The following GRB14 variants were observed in gnomAD, a reference collection of about 807,000 sequenced individuals.
The protein encoded by GRB14 is growth factor receptor bound protein 14.
In GRB14, 38 loss-of-function variants were observed where a neutral mutation model predicts 69.1. The observed-to-expected ratio is 0.55, with a 90% CI of 0.42 to 0.72. The LOEUF (loss-of-function observed/expected upper bound fraction) is 0.72. Among genes scored for constraint, GRB14 ranks in the 30% least tolerant of loss-of-function variants. The pLI is 0.00. For missense variants in GRB14, 666 were observed against 666.1 expected, an observed-to-expected ratio of 1.00 and a Z score of 0.00; for synonymous variants, 247 against 241.3, an observed-to-expected ratio of 1.02 and a Z score of -0.22.
At chr2:164,556,879 A>C (rs1296609932) in intron 2 of GRB14, among the ~76,000 whole-genome samples, 1 of 152,162 alleles carries the variant, frequency 6.6e-6, no homozygotes, top group East Asian at 1.9e-4. Flanking sequence ...AGTCAAAACG[A>C]TTCCTTCAGT....
At chr2:164,562,085 T>C (rs1688844069) in intron 2 of GRB14, among the ~76,000 whole-genome samples, 1 of 152,236 alleles carries the variant, frequency 6.6e-6, no homozygotes, top group South Asian at 2.1e-4. Context: ...GGTAATTAGA[T>C]ACCAACTTTG....
chr2:164,599,176 C>T (rs1689858374), intron 2 of GRB14, among the ~76,000 whole-genome samples: 1 of 152,048 alleles, frequency 6.6e-6, no homozygotes, highest in South Asian at 2.1e-4. Flanking sequence ...CACGGTGCCT[C>T]GATATAGTCA....
chr2:164,612,872 A>C (rs1690199917), intron 2 of GRB14, among the ~76,000 whole-genome samples: 1 of 152,188 alleles, frequency 6.6e-6, no homozygotes. Context: ...AATTAACCAA[A>C]AATTAAAGGC....
At chr2:164,606,089 A>T (rs1690033842) in intron 2 of GRB14, among the ~76,000 whole-genome samples, 1 of 152,180 alleles carries the variant, frequency 6.6e-6, no homozygotes, top group Non-Finnish European at 1.5e-5. Context: ...TTAATATAAG[A>T]ATGTTTTTCC....
At chr2:164,550,346 A>G (rs1209123565) in intron 2 of GRB14, among the ~76,000 whole-genome samples, 8 of 152,202 alleles carry the variant, frequency 5.3e-5, no homozygotes, top group African/African-American at 1.4e-4. Flanking sequence ...TAACTATGAA[A>G]ACCCATATAA....
Position 164,492,815 on chromosome 2 carries a change from AT to A in GRB14, c.*220del, listed in dbSNP as rs894576505. ...AAATCACACAAGAACACACCAAGTC[AT>A]TTTTTTCCTAAGGTTTAATTTTAAC... On this transcript the variant is annotated 3_prime_UTR_variant, in exon 14 of 14. Coordinates refer to ENST00000263915, the MANE Select transcript of GRB14 (RefSeq NM_004490.3). 3.8e-5 allele frequency: 16 copies of A among 415,730 alleles called. No homozygotes were observed. The highest frequency in any genetic ancestry group is 1.0e-4 in the African/African-American group (5 of 48,756). 25.8% of individuals were successfully genotyped at this position (415,730 alleles called of 1,614,324 possible). A position where few individuals can be genotyped will look rare whatever the true frequency, so the allele number is the denominator to read the frequency against.
chr2:164,548,437 T>A (rs762415070), intron 2 of GRB14, among the ~76,000 whole-genome samples: 3 of 152,140 alleles, frequency 2.0e-5, no homozygotes, highest in Non-Finnish European at 4.4e-5. Flanking sequence ...GTATATATGC[T>A]CCAATATACA....
At chr2:164,574,107 C>A (rs570930030) in intron 2 of GRB14, 12 of 734,762 alleles carry the variant, frequency 1.6e-5, no homozygotes, top group South Asian at 1.3e-4. Context: ...TCATACTCTA[C>A]TATGAATTTT....
intron 2 of GRB14, among the ~76,000 whole-genome samples, chr2:164,563,186 C>T (rs1688878329): frequency 6.6e-6 from 1 of 152,206 alleles, no homozygotes; most frequent in South Asian, 2.1e-4. Context: ...ACCATACCTA[C>T]AATCCCTATA....
At chr2:164,612,791 C>G (rs4527220) in intron 2 of GRB14, among the ~76,000 whole-genome samples, 117,607 of 152,062 alleles carry the variant, frequency 0.77, 46,141 homozygotes, top group African/African-American at 0.82. Context: ...AAACCAGAAG[C>G]TGAGATTTCA....
At chr2:164,497,586 C>CA in intron 9 of GRB14, 96 bp from the exon 10 acceptor site, 2 of 833,012 alleles carry the variant, frequency 2.4e-6, no homozygotes, top group East Asian at 2.5e-5. Context: ...GTTTTTCTCT[C>CA]AGTGTTTTTC....
At chr2:164,552,530 A>G (rs1238138320) in intron 2 of GRB14, among the ~76,000 whole-genome samples, 1 of 152,194 alleles carries the variant, frequency 6.6e-6, no homozygotes, top group Non-Finnish European at 1.5e-5. Flanking sequence ...ATACTTTCTC[A>G]TCATACAAAT....
chr2:164,534,855 C>T (rs1688039634), intron 3 of GRB14, among the ~76,000 whole-genome samples: 1 of 152,122 alleles, frequency 6.6e-6, no homozygotes, highest in South Asian at 2.1e-4. Context: ...AGGTAGGAAT[C>T]ACATGAATTC....
intron 13 of GRB14, among the ~76,000 whole-genome samples, 182 bp downstream of exon 13, chr2:164,494,249 A>G (rs1381040122): frequency 6.6e-6 from 1 of 152,198 alleles, no homozygotes; most frequent in East Asian, 1.9e-4. Context: ...TTCTTATATT[A>G]ATTCAGGCTC....
At chr2:164,602,828 A>G (rs1193939029) in intron 2 of GRB14, among the ~76,000 whole-genome samples, 1 of 152,210 alleles carries the variant, frequency 6.6e-6, no homozygotes, top group Non-Finnish European at 1.5e-5. Flanking sequence ...AGGGCACCTA[A>G]CATATATCTA....
chr2:164,553,459 A>C (rs1422514420), intron 2 of GRB14, among the ~76,000 whole-genome samples: 1 of 152,150 alleles, frequency 6.6e-6, no homozygotes, highest in Non-Finnish European at 1.5e-5. Context: ...AATCCATTTC[A>C]AGCCCTTATT....
At chr2:164,533,542 T>C (rs1360629821) in intron 3 of GRB14, among the ~76,000 whole-genome samples, 1 of 152,182 alleles carries the variant, frequency 6.6e-6, no homozygotes, top group East Asian at 1.9e-4. Context: ...TTTTGAAAGG[T>C]ATTCAATAAA....
chr2:164,504,429 C>A lies in GRB14; in HGVS notation c.1024-2094G>T, dbSNP rs147922415. On this transcript the variant is annotated intron_variant, in intron 8 of 13. Transcript: ENST00000263915. The stretch of plus-strand genomic sequence containing the variant: ...CCCAGCTGCACCAGCCAGGGGGATC[C>A]AACAGGAGGAGCCCTGCTGACAAGA... 1.2e-3 allele frequency among the ~76,000 whole-genome samples: 176 copies of A among 152,148 alleles called. 3 individuals are homozygous for A. Among genetic ancestry groups the A allele is most frequent in the Admixed American group, 3.4e-3 (52 of 15,276 alleles).
chr2:164,504,332 C>T (rs1270612531), intron 8 of GRB14, among the ~76,000 whole-genome samples: 1 of 151,796 alleles, frequency 6.6e-6, no homozygotes, highest in African/African-American at 2.4e-5. Context: ...CAATGGTAAA[C>T]GCTGGAAATA....
Sources: allele counts gnomAD v4.1 joint callset (sites outside exome capture counted in the v4.1 genomes callset), GRCh38; gene constraint gnomAD v4.1.1; transcripts MANE v1.5; gene names NCBI Gene and HGNC (gene_info 2026-07-23, HGNC 2026-07-21).